The following ZNF10 variants were observed in gnomAD, a reference collection of about 807,000 sequenced individuals.
The protein encoded by ZNF10 is zinc finger protein 10.
A neutral mutation model predicts 12.2 loss-of-function variants in ZNF10; 8 were observed. The observed-to-expected ratio is 0.66, with a 90% CI of 0.39 to 1.18. The LOEUF (loss-of-function observed/expected upper bound fraction) is 1.18. Among genes scored for constraint, ZNF10 ranks in the 50% most tolerant of loss-of-function variants. The probability of loss-of-function intolerance (pLI) is 0.01; values close to 1 mark genes in which losing one functional copy is unlikely to be tolerated. For missense variants in ZNF10, 603 were observed against 678.9 expected (o/e 0.89, Z 1.24); for synonymous variants, 229 against 228.2 (o/e 1.00, Z -0.03).
At chr12:133,148,187 C>T (rs867995575) in intron 2 of ZNF10, among the ~76,000 whole-genome samples, 1 of 152,144 alleles carries the variant, frequency 6.6e-6, no homozygotes, top group African/African-American at 2.4e-5. Flanking sequence ...GTGGTGTGAT[C>T]TGGGCTCACT....
intron 1 of ZNF10, among the ~76,000 whole-genome samples, chr12:133,138,360 A>C (rs1955924575): frequency 6.7e-6 from 1 of 149,810 alleles, no homozygotes; most frequent in African/African-American, 2.4e-5. Context: ...AAAATTTATT[A>C]GTGACCAGAA....
intron 1 of ZNF10, among the ~76,000 whole-genome samples, chr12:133,137,552 C>G (rs1468911604): frequency 2.6e-5 from 4 of 152,218 alleles, no homozygotes; most frequent in African/African-American, 4.8e-5. Flanking sequence ...GCCCATTCCT[C>G]CCTGAAACCA....
In ZNF10 at chr12:133,151,154, G is replaced by C. The variant is rs753350372; in HGVS notation, c.160G>C (p.Gly54Arg). The C allele has an allele frequency of 7.4e-6, 12 of 1,611,040 alleles. No individual in the cohort carries two copies. The highest frequency in any genetic ancestry group is 1.0e-5 in the Non-Finnish European group (12 of 1,178,154). ...GAACTATAAGAACCTGGTTTCCTTG[G>C]GTAAGACTAGCTCTGTTTTTGAAGA... ...LENYKNLVSL[G>R]YQLTKPDVIL... Residue 54 changes from glycine to arginine, a missense_variant and splice_region_variant, in exon 3 of 5, where the codon GGT (glycine) becomes CGT (arginine). Around this residue, in one of 3 missense-constraint regions of ZNF10, gnomAD observed 393 missense variants for 399.7 expected, o/e 0.98. Transcript: ENST00000248211.
At position 133,156,133 on chromosome 12, in the gene ZNF10, A is replaced by G; in HGVS notation, c.887A>G (p.Lys296Arg). ...ACTGGAGAAAAACCCTATGAGTGTA[A>G]AGAATGTGGAAAGTCTTTCAGCCGG... ...IHTGEKPYECKECGKSFSRSS... is the reference protein window; with the variant it reads ...IHTGEKPYECRECGKSFSRSS... Residue 296 changes from lysine (K) to arginine (R), a missense_variant, in exon 5 of 5, where the codon AAA (lysine) becomes AGA (arginine). This residue lies in a region of ZNF10 where 393 missense variants were observed against 399.7 expected (regional missense o/e 0.98). Transcript: ENST00000248211. 6.2e-7 allele frequency: 1 copy of G among 1,613,564 alleles called. No individual in the cohort carries two copies. Among genetic ancestry groups the G allele is most frequent in the Non-Finnish European group, 8.5e-7 (1 of 1,180,022 alleles).
At chr12:133,141,883 AAAT>A (rs1955946112) in intron 1 of ZNF10, among the ~76,000 whole-genome samples, 2 of 152,164 alleles carry the variant, frequency 1.3e-5, no homozygotes, top group Non-Finnish European at 2.9e-5. Context: ...ATACCAAGGA[AAAT>A]AATAATCAGA....
intron 4 of ZNF10, among the ~76,000 whole-genome samples, chr12:133,153,931 G>A (rs2135464735): frequency 6.6e-6 from 1 of 152,206 alleles, no homozygotes; most frequent in East Asian, 1.9e-4. Flanking sequence ...TGGTCTCCAT[G>A]TTCACATGGT....
At chr12:133,136,647 A>G (rs1326424858) in intron 1 of ZNF10, among the ~76,000 whole-genome samples, 1 of 152,104 alleles carries the variant, frequency 6.6e-6, no homozygotes. Flanking sequence ...GCACTACTGA[A>G]TATTACTGTT....
Position 133,156,355 on chromosome 12 carries a change from C to G in ZNF10, c.1109C>G (p.Thr370Arg). The G allele has an allele frequency of 6.2e-7, 1 of 1,614,042 alleles. No individual in the cohort carries two copies. Among genetic ancestry groups the G allele is most frequent in the South Asian group, 1.1e-5 (1 of 91,074 alleles). ...TCTAGGCTTATTAGACACCAGAGGA[C>G]ACATACTGGAGAGAAACCCTATGAA... ...HSSRLIRHQR[T>R]HTGEKPYECP... The change falls in exon 5 of 5, where the codon ACA becomes AGA. Residue 370 changes from threonine (T) to arginine (R), a missense_variant. By Grantham distance (71) the Thr-to-Arg change is moderately conservative. Transcript: ENST00000248211.
intron 2 of ZNF10, among the ~76,000 whole-genome samples, chr12:133,149,268 A>AT (rs1955994291): frequency 6.7e-6 from 1 of 149,316 alleles, no homozygotes; most frequent in East Asian, 2.0e-4. Context: ...TAATTTTTAA[A>AT]TTTTTTGTAG....
intron 4 of ZNF10, among the ~76,000 whole-genome samples, chr12:133,155,278 T>C (rs1173737545): frequency 1.3e-5 from 2 of 152,170 alleles, no homozygotes; most frequent in African/African-American, 4.8e-5. Context: ...TGTCATGCTG[T>C]GTCCTGTGGC....
intron 1 of ZNF10, among the ~76,000 whole-genome samples, chr12:133,141,659 G>T (rs1457330808): frequency 6.6e-6 from 1 of 151,806 alleles, no homozygotes; most frequent in Non-Finnish European, 1.5e-5. Flanking sequence ...AGAGAAAAAA[G>T]AAACCAGAAA....
rs76211149 is a variant in ZNF10, at chr12:133,147,980, A to G, written c.34-3048A>G. Among the ~76,000 whole-genome samples, 21 of 152,008 alleles carry G rather than the reference A, an allele frequency of 1.4e-4. No homozygotes were observed. The East Asian group carries it at 3.7e-3, about 27-fold the overall frequency. ...TGAGGGTTCTCTGTACCTTATATGT[A>G]CAAGTCCTTTGTCAGATAATGTGAT... is the stretch of plus-strand genomic sequence containing the variant. On this transcript the variant is annotated intron_variant, in intron 2 of 4. Transcript: ENST00000248211.
intron 3 of ZNF10, among the ~76,000 whole-genome samples, chr12:133,151,517 T>G (rs1238352251): frequency 6.6e-6 from 1 of 151,852 alleles, no homozygotes; most frequent in African/African-American, 2.4e-5. Context: ...GGTGGCGTGC[T>G]CCTATAGTCC....
chr12:133,144,570 T>C, intron 2 of ZNF10, 45 bp downstream of exon 2: 1 of 1,585,634 alleles, frequency 6.3e-7, no homozygotes, highest in Non-Finnish European at 8.6e-7. Context: ...AATTCCTTTT[T>C]GCTTTAGTTC....
intron 2 of ZNF10, among the ~76,000 whole-genome samples, chr12:133,145,943 A>G (rs934975992): frequency 1.8e-4 from 28 of 152,338 alleles, no homozygotes; most frequent in African/African-American, 6.7e-4. Flanking sequence ...TCCCCATGAT[A>G]TGCTTTGTCT....
At chr12:133,144,619 A>C in intron 2 of ZNF10, 94 bp downstream of exon 2, 1 of 1,283,586 alleles carries the variant, frequency 7.8e-7, no homozygotes, top group Non-Finnish European at 1.1e-6. Flanking sequence ...CTTCTTCTCC[A>C]GCAGACTAGA....
intron 1 of ZNF10, among the ~76,000 whole-genome samples, chr12:133,134,751 T>G (rs1057164222): frequency 6.6e-6 from 1 of 152,240 alleles, no homozygotes; most frequent in African/African-American, 2.4e-5. Context: ...ATATTTTTTG[T>G]GACCACTCTG....
intron 1 of ZNF10, among the ~76,000 whole-genome samples, chr12:133,135,052 A>G (rs1955903093): frequency 6.6e-6 from 1 of 152,124 alleles, no homozygotes; most frequent in African/African-American, 2.4e-5. Context: ...CATGGTTACA[A>G]TCTGCTTGAG....
intron 1 of ZNF10, among the ~76,000 whole-genome samples, chr12:133,131,771 C>T (rs1955878743): frequency 6.6e-6 from 1 of 152,170 alleles, no homozygotes; most frequent in Admixed American, 6.5e-5. Flanking sequence ...TCTCAGCATG[C>T]ATTTCTTTAG....
Sources: gnomAD v4.1 joint callset for allele counts (sites outside exome capture counted in the v4.1 genomes callset) on GRCh38, gnomAD v4.1.1 for gene constraint, gnomAD v4.1.1 regional missense constraint, MANE v1.5 for transcripts, NCBI Gene and HGNC (gene_info 2026-07-23, HGNC 2026-07-21) for gene names.